The following RICTOR variants were observed in gnomAD, a reference collection of about 807,000 sequenced individuals.
RICTOR encodes the protein RPTOR independent companion of MTOR complex 2.
A neutral mutation model predicts 214.9 loss-of-function variants in RICTOR; 49 were observed. That is an observed-to-expected ratio of 0.23 (90% CI 0.18 to 0.29). The LOEUF (loss-of-function observed/expected upper bound fraction) is 0.29. Ranked by LOEUF, RICTOR falls within the 10% of genes least tolerant of loss-of-function variation. RICTOR has a pLI of 1.00. For synonymous variants in RICTOR, 717 were observed against 711.3 expected (o/e 1.01, Z -0.13); for missense variants, 1,625 against 2,047.0 (o/e 0.79, Z 3.98).
chr5:38,990,892 A>G (rs191582353), intron 7 of RICTOR, 57 bp downstream of exon 7: 4 of 1,097,726 alleles, frequency 3.6e-6, no homozygotes, highest in Non-Finnish European at 5.3e-6. Context: ...ATATATCTCA[A>G]ATGTTATATA....
Position 38,944,918 on chromosome 5 carries a change from A to G in RICTOR, c.4784T>C (p.Leu1595Ser). 6.2e-7 allele frequency: 1 copy of G among 1,613,760 alleles called. No homozygotes were observed. The highest frequency in any genetic ancestry group is 8.5e-7 in the Non-Finnish European group (1 of 1,179,710). Residue 1595 changes from leucine (L) to serine (S), a missense_variant, in exon 35 of 38, where the codon TTA (leucine) becomes TCA (serine). Coordinates refer to ENST00000357387, the MANE Select transcript of RICTOR (RefSeq NM_152756.5). ...ATTTGAATCTGAAGACTCACCTAGT[A>G]ACAATTCTGTGCTTTTGGTGCTGCT... ...SASSTKSTEL[L>S]LGVKTIPDDT...
At chr5:39,037,173 C>A (rs1478420481) in intron 2 of RICTOR, among the ~76,000 whole-genome samples, 1 of 152,150 alleles carries the variant, frequency 6.6e-6, no homozygotes, top group African/African-American at 2.4e-5. Flanking sequence ...TCACTCAAAA[C>A]CACTCAACTA....
chr5:39,025,483 G>A (rs570697461), intron 2 of RICTOR, among the ~76,000 whole-genome samples: 3 of 152,314 alleles, frequency 2.0e-5, no homozygotes, highest in South Asian at 4.1e-4. Context: ...GAAAGCAAGT[G>A]CAGAAAATGG....
intron 28 of RICTOR, 24 bp downstream of exon 28, chr5:38,953,437 C>A: frequency 9.5e-7 from 1 of 1,049,658 alleles, no homozygotes. Flanking sequence ...TTGCGAAGAT[C>A]TTACAGAAGT....
intron 22 of RICTOR, 121 bp downstream of exon 22, chr5:38,959,074 T>C (rs1749563090): frequency 1.2e-6 from 1 of 844,692 alleles, no homozygotes; most frequent in Non-Finnish European, 1.7e-6. Context: ...GAAACTAAAA[T>C]TTTAAAGTAA....
intron 2 of RICTOR, among the ~76,000 whole-genome samples, chr5:39,066,728 C>T (rs896986217): frequency 2.0e-5 from 3 of 152,198 alleles, no homozygotes; most frequent in East Asian, 1.9e-4. Context: ...ACATTTCTTC[C>T]GCCAGATACC....
intron 2 of RICTOR, among the ~76,000 whole-genome samples, chr5:39,026,264 G>A (rs1755815745): frequency 6.6e-6 from 1 of 152,108 alleles, no homozygotes; most frequent in Admixed American, 6.5e-5. Flanking sequence ...GACTGCTTGA[G>A]CCCAGGAGGT....
chr5:38,944,579 T>A lies in RICTOR; in HGVS notation c.4790-10A>T. Reference sequence around the variant, plus strand: ...GGAATTGTTTTAACACCTGAAAAGATTTCAGGGAGAAGTTAAATATTATCT... The same window carrying A: ...GGAATTGTTTTAACACCTGAAAAGAATTCAGGGAGAAGTTAAATATTATCT... On this transcript the variant is annotated splice_polypyrimidine_tract_variant and intron_variant, in intron 35 of 37. Coordinates refer to ENST00000357387, the MANE Select transcript of RICTOR (RefSeq NM_152756.5). 1 of 1,576,706 alleles carries A rather than the reference T, an allele frequency of 6.3e-7. No individual in the cohort carries two copies. Among genetic ancestry groups the A allele is most frequent in the Non-Finnish European group, 8.6e-7 (1 of 1,165,890 alleles).
intron 2 of RICTOR, among the ~76,000 whole-genome samples, chr5:39,049,245 T>C (rs1280444666): frequency 6.7e-6 from 1 of 148,510 alleles, no homozygotes; most frequent in East Asian, 2.0e-4. Flanking sequence ...CCAAAAACCA[T>C]GAACACACAA....
At chr5:39,071,580 T>C (rs906365309) in intron 2 of RICTOR, among the ~76,000 whole-genome samples, 1 of 152,182 alleles carries the variant, frequency 6.6e-6, no homozygotes, top group Non-Finnish European at 1.5e-5. Context: ...TCTCTTATTT[T>C]AGAAATGAAG....
At chr5:38,996,374 T>C (rs146328168) in intron 6 of RICTOR, among the ~76,000 whole-genome samples, 11 of 152,328 alleles carry the variant, frequency 7.2e-5, no homozygotes, top group Admixed American at 2.6e-4. Context: ...AGGGCCTGAA[T>C]TGTTTATTGC....
At chr5:39,071,612 C>G (rs571930159) in intron 2 of RICTOR, among the ~76,000 whole-genome samples, 38 of 152,268 alleles carry the variant, frequency 2.5e-4, no homozygotes, top group African/African-American at 8.9e-4. Flanking sequence ...AAAGCAAGGT[C>G]AAATAACTTG....
chr5:39,038,639 A>G (rs199822620), intron 2 of RICTOR, among the ~76,000 whole-genome samples: 71 of 143,626 alleles, frequency 4.9e-4, no homozygotes, highest in Non-Finnish European at 7.5e-4. Context: ...ATACAAAATC[A>G]ATGTGCAAAA....
At position 38,967,407 on chromosome 5, in the gene RICTOR, T is replaced by C. The variant is rs766916071; in HGVS notation, c.1081A>G (p.Ser361Gly). Reference protein sequence around the residue: ...LSVDPGRFQDSWRLSDGFVAA... With the variant: ...LSVDPGRFQDGWRLSDGFVAA... ...ACAAAGCCATCTGAAAGCCTCCAAC[T>C]GTCTTGGAACCTCCCTGGATCTAAA... Residue 361 changes from serine to glycine, a missense_variant, in exon 13 of 38, where the codon AGT becomes GGT. Around this residue, in one of 5 missense-constraint regions of RICTOR, gnomAD observed 258 missense variants for 393.7 expected, o/e 0.66. Coordinates refer to ENST00000357387, the MANE Select transcript of RICTOR (RefSeq NM_152756.5). The C allele has an allele frequency of 6.2e-7, 1 of 1,613,346 alleles. No homozygotes were observed. Among genetic ancestry groups the C allele is most frequent in the Non-Finnish European group, 8.5e-7 (1 of 1,179,454 alleles).
chr5:38,973,336 C>T (rs1444670874), intron 10 of RICTOR, among the ~76,000 whole-genome samples: 1 of 152,088 alleles, frequency 6.6e-6, no homozygotes, highest in Non-Finnish European at 1.5e-5. Flanking sequence ...AATGTGCATG[C>T]TGCAGTGTTC....
chr5:38,969,156 C>A lies in RICTOR; in HGVS notation c.973-1126G>T, dbSNP rs1215595197. On this transcript the variant is annotated intron_variant, in intron 11 of 37. Coordinates refer to ENST00000357387, the MANE Select transcript of RICTOR (RefSeq NM_152756.5). ...CGGCTAATTTTTGTATTTTCAGTAG[C>A]GATGGGGGTTTCACCATGTTGGCCA... Among the ~76,000 whole-genome samples, 4 of 151,574 alleles carry A rather than the reference C, an allele frequency of 2.6e-5. No individual in the cohort carries two copies. The South Asian group carries it at 8.4e-4, about 32-fold the overall frequency.
In RICTOR at chr5:38,955,711, G is replaced by C. The variant is rs1360490741; in HGVS notation, c.2500-7C>G. ...CATATTTGGAGTTGTATTCCTAGAGGATAATATTGTTTTAATTGCACATAG... is the reference window on the plus strand; with the variant it reads ...CATATTTGGAGTTGTATTCCTAGAGCATAATATTGTTTTAATTGCACATAG... On this transcript the variant is annotated splice_polypyrimidine_tract_variant and splice_region_variant and intron_variant, in intron 25 of 37. Coordinates refer to ENST00000357387, the MANE Select transcript of RICTOR (RefSeq NM_152756.5). 1 of 1,461,766 alleles carries C rather than the reference G, an allele frequency of 6.8e-7. No individual in the cohort carries two copies. The highest frequency in any genetic ancestry group is 9.6e-7 in the Non-Finnish European group (1 of 1,041,364). 90.5% of individuals were successfully genotyped at this position (1,461,766 alleles called of 1,614,324 possible). A position where few individuals can be genotyped will look rare whatever the true frequency, so the allele number is the denominator to read the frequency against.
chr5:38,999,042 A>AC (rs1753406822), intron 5 of RICTOR, among the ~76,000 whole-genome samples: 1 of 149,074 alleles, frequency 6.7e-6, no homozygotes, highest in African/African-American at 2.5e-5. Context: ...AAAAAAAAAA[A>AC]AAAAAAAAAC....
Position 39,058,525 on chromosome 5 carries a change from G to A in RICTOR, c.97+15586C>T, listed in dbSNP as rs114205246. 2.6e-3 allele frequency among the ~76,000 whole-genome samples: 391 copies of A among 152,200 alleles called. 1 individual carries two copies. Among genetic ancestry groups the A allele is most frequent in the African/African-American group, 9.0e-3 (376 of 41,568 alleles). On this transcript the variant is annotated intron_variant, in intron 2 of 37. Transcript: ENST00000357387. Reference sequence around the variant, plus strand: ...GTAAAACCCGGAGTGGTATAAGACAGTTCTAATGGTTCATTTTGAACTCTT... The same window carrying A: ...GTAAAACCCGGAGTGGTATAAGACAATTCTAATGGTTCATTTTGAACTCTT...
Sources: allele counts gnomAD v4.1 joint callset (sites outside exome capture counted in the v4.1 genomes callset), GRCh38; gene constraint gnomAD v4.1.1; regional missense constraint gnomAD v4.1.1; transcripts MANE v1.5; gene names NCBI Gene and HGNC (gene_info 2026-07-23, HGNC 2026-07-21).